MACF1: variants seen among roughly 807,000 people sequenced by gnomAD.
MACF1 encodes the protein microtubule actin crosslinking factor 1.
A neutral mutation model predicts 854.8 loss-of-function variants in MACF1; 193 were observed. The ratio of observed to expected loss-of-function variants is 0.23; its 90% CI spans 0.20 to 0.25. MACF1 has a LOEUF of 0.25. Ranked by LOEUF, MACF1 falls within the 10% of genes least tolerant of loss-of-function variation. The pLI is 1.00. For synonymous variants in MACF1, 3,185 were observed against 3,226.7 expected (o/e 0.99, Z 0.44); for missense variants, 7,722 against 8,929.1 (o/e 0.86, Z 5.45).
At chr1:39,342,716 C>T (rs184674034) in intron 40 of MACF1, among the ~76,000 whole-genome samples, 1 of 152,080 alleles carries the variant, frequency 6.6e-6, no homozygotes, top group East Asian at 1.9e-4. Flanking sequence ...AGAGGGGTTT[C>T]ACCATGTTGC....
At chr1:39,403,062 GT>G (rs1023634521) in intron 58 of MACF1, among the ~76,000 whole-genome samples, 7 of 139,972 alleles carry the variant, frequency 5.0e-5, no homozygotes, top group African/African-American at 8.8e-5. Flanking sequence ...GTTTGGTTTG[GT>G]TTTTTTTTTG....
intron 2 of MACF1, among the ~76,000 whole-genome samples, chr1:39,137,755 C>T (rs1332525157): frequency 1.3e-5 from 2 of 152,080 alleles, no homozygotes; most frequent in African/African-American, 4.8e-5. Context: ...TCTCATTCAA[C>T]TATATGAACA....
At chr1:39,176,813 C>CTA (rs1644035989) in intron 2 of MACF1, among the ~76,000 whole-genome samples, 2 of 152,304 alleles carry the variant, frequency 1.3e-5, no homozygotes, top group South Asian at 4.1e-4. Flanking sequence ...AAGCTTAAAC[C>CTA]ATGACCCAGG....
chr1:39,086,654 T>C (rs932927273), intron 2 of MACF1, among the ~76,000 whole-genome samples: 2 of 152,182 alleles, frequency 1.3e-5, no homozygotes, highest in Admixed American at 6.6e-5. Flanking sequence ...GATTTCCACT[T>C]CCAGTCTTCT....
At chr1:39,134,580 C>A (rs1643115826) in intron 2 of MACF1, among the ~76,000 whole-genome samples, 1 of 152,180 alleles carries the variant, frequency 6.6e-6, no homozygotes, top group Non-Finnish European at 1.5e-5. Flanking sequence ...CTTAAACAGT[C>A]ATGTAACCCC....
intron 2 of MACF1, among the ~76,000 whole-genome samples, chr1:39,234,705 C>T (rs1284612100): frequency 5.1e-5 from 7 of 136,168 alleles, no homozygotes; most frequent in Non-Finnish European, 9.6e-5. Context: ...CCTCACTTCC[C>T]AGATGGGGCG....
intron 2 of MACF1, chr1:39,120,947 T>G (rs1450589447): frequency 6.6e-6 from 1 of 152,410 alleles, no homozygotes; most frequent in African/African-American, 2.4e-5. Flanking sequence ...TTTAAAAATG[T>G]GGAACACTTC....
intron 2 of MACF1, among the ~76,000 whole-genome samples, chr1:39,232,742 C>G (rs201823306): frequency 1.1e-4 from 6 of 56,008 alleles, no homozygotes; most frequent in South Asian, 2.1e-3. Context: ...CTCATACTCT[C>G]TTTGTTTTTT....
At chr1:39,411,274 G>A (rs1642987997) in intron 58 of MACF1, 2 of 1,614,006 alleles carry the variant, frequency 1.2e-6, no homozygotes, top group Non-Finnish European at 8.5e-7. Flanking sequence ...GGGAGAGTGG[G>A]AGGAAGAGAA....
intron 40 of MACF1, among the ~76,000 whole-genome samples, chr1:39,343,510 A>G (rs1004787416): frequency 6.6e-6 from 1 of 152,242 alleles, no homozygotes. Context: ...GAAAAAAATT[A>G]CCATGACATA....
Position 39,292,737 on chromosome 1 carries a change from G to A in MACF1, c.1915-29G>A, listed in dbSNP as rs748842489. On this transcript the variant is annotated intron_variant, in intron 16 of 100. Coordinates refer to ENST00000564288, the MANE Select transcript of MACF1 (RefSeq NM_001394062.1). ...GTAGTTTACTTACTCTTTCTCTAAT[G>A]TATTTTTATTTCATTCTTTTTTAAT... 13 of 1,490,484 alleles carry A rather than the reference G, an allele frequency of 8.7e-6. No homozygotes were observed. The African/African-American group carries it at 1.1e-4, about 13-fold the overall frequency. 92.3% of individuals were successfully genotyped at this position (1,490,484 alleles called of 1,614,324 possible). A position where few individuals can be genotyped will look rare whatever the true frequency, so the allele number is the denominator to read the frequency against.
intron 6 of MACF1, among the ~76,000 whole-genome samples, chr1:39,262,397 CAAAAAAAAA>C (rs56376033): frequency 8.7e-5 from 6 of 68,804 alleles, no homozygotes; most frequent in African/African-American, 1.2e-4. Flanking sequence ...GACTCCATCA[CAAAAAAAAA>C]AAAAAAAAAA....
chr1:39,381,934 C>T lies in MACF1; in HGVS notation c.13649-19C>T. On this transcript the variant is annotated intron_variant, in intron 55 of 100. Coordinates refer to ENST00000564288, the MANE Select transcript of MACF1 (RefSeq NM_001394062.1). Reference sequence around the variant, plus strand: ...GTTGATAATGTAAAGGAATACATTCCCTCATTTCCTCTCTACAGATTCCCG... The same window carrying T: ...GTTGATAATGTAAAGGAATACATTCTCTCATTTCCTCTCTACAGATTCCCG... 2 of 1,590,402 alleles carry T rather than the reference C, an allele frequency of 1.3e-6. No homozygotes were observed. Among genetic ancestry groups the T allele is most frequent in the Non-Finnish European group, 1.7e-6 (2 of 1,159,306 alleles).
At chr1:39,359,885 G>T (rs1647922156) in intron 47 of MACF1, among the ~76,000 whole-genome samples, 1 of 148,754 alleles carries the variant, frequency 6.7e-6, no homozygotes. Flanking sequence ...TACTCTGGAG[G>T]CTGAGGCAGG....
At position 39,469,282 on chromosome 1, in the gene MACF1, A is replaced by G. The variant is rs79668533; in HGVS notation, c.21890-265A>G. On this transcript the variant is annotated intron_variant, in intron 96 of 100. Transcript: ENST00000564288. Reference sequence around the variant, plus strand: ...TGTGAAAAGGCTGGCCCACCAGCCCAGAAGCATAAGGAGACTGTCAATTTA... The same window carrying G: ...TGTGAAAAGGCTGGCCCACCAGCCCGGAAGCATAAGGAGACTGTCAATTTA... Among the ~76,000 whole-genome samples the G allele has an allele frequency of 1.2e-3, 182 of 152,368 alleles. 2 individuals are homozygous for G. The East Asian group carries it at 0.031, about 26-fold the overall frequency.
rs1569686720 is a variant in MACF1, at chr1:39,359,324, G to T, written c.12244+60G>T. On this transcript the variant is annotated intron_variant, in intron 47 of 100. Coordinates refer to ENST00000564288, the MANE Select transcript of MACF1 (RefSeq NM_001394062.1). Reference sequence around the variant, plus strand: ...AATTCCTAGTATGTACCTCTATTCTGCAATATGTCACATTGTGTTGTGCAA... The same window carrying T: ...AATTCCTAGTATGTACCTCTATTCTTCAATATGTCACATTGTGTTGTGCAA... 5.7e-6 allele frequency: 9 copies of T among 1,568,310 alleles called. No individual in the cohort carries two copies. The East Asian group carries it at 1.8e-4, about 31-fold the overall frequency.
At chr1:39,397,932 A>G (rs1028125191) in intron 58 of MACF1, among the ~76,000 whole-genome samples, 1 of 152,202 alleles carries the variant, frequency 6.6e-6, no homozygotes, top group Non-Finnish European at 1.5e-5. Context: ...ATGATCTCTG[A>G]AAAAAACTCT....
intron 46 of MACF1, 87 bp from the exon 47 acceptor site, chr1:39,359,054 C>T: frequency 2.6e-6 from 4 of 1,527,176 alleles, no homozygotes; most frequent in Non-Finnish European, 3.6e-6. Flanking sequence ...TACAATTATT[C>T]TGTAAAGCTG....
rs568608585 is a variant in MACF1, at chr1:39,468,556, G to A, written c.21772-59G>A. 7.2e-6 allele frequency: 10 copies of A among 1,392,980 alleles called. No homozygotes were observed. In the Admixed American group the frequency reaches 1.7e-4, roughly 24 times the overall value. 86.3% of individuals were successfully genotyped at this position (1,392,980 alleles called of 1,614,324 possible). A position where few individuals can be genotyped will look rare whatever the true frequency, so the allele number is the denominator to read the frequency against. ...TGTCTGAATACAGTCTGCTTTGGGA[G>A]AAAAACATAGATCTGCTTTAAGACA... On this transcript the variant is annotated intron_variant, in intron 95 of 100. Coordinates refer to ENST00000564288, the MANE Select transcript of MACF1 (RefSeq NM_001394062.1).
Sources: gnomAD v4.1 joint callset for allele counts (sites outside exome capture counted in the v4.1 genomes callset) on GRCh38, gnomAD v4.1.1 for gene constraint, MANE v1.5 for transcripts, NCBI Gene and HGNC (gene_info 2026-07-23, HGNC 2026-07-21) for gene names.